The following ARHGEF26 variants were observed in gnomAD, a reference collection of about 807,000 sequenced individuals.
ARHGEF26 encodes the protein Rho guanine nucleotide exchange factor 26.
In ARHGEF26, 59 loss-of-function variants were observed where a neutral mutation model predicts 89.4. The observed-to-expected ratio is 0.66, with a 90% CI of 0.54 to 0.82. ARHGEF26 has a LOEUF of 0.82. ARHGEF26 is among the 40% of genes least tolerant of loss of function. The pLI, the probability that ARHGEF26 is intolerant of heterozygous loss-of-function variation, is 0.00. For missense variants in ARHGEF26, 1,234 were observed against 1,085.6 expected, an observed-to-expected ratio of 1.14 and a Z score of -1.92; for synonymous variants, 500 against 428.4, an observed-to-expected ratio of 1.17 and a Z score of -2.06.
chr3:154,147,635 G>T (rs928765247), intron 4 of ARHGEF26, among the ~76,000 whole-genome samples: 10 of 152,136 alleles, frequency 6.6e-5, no homozygotes, highest in Non-Finnish European at 1.2e-4. Context: ...AAGACTATAG[G>T]TATAAACATA....
intron 2 of ARHGEF26, 38 bp from the exon 3 acceptor site, chr3:154,124,372 C>CT (rs10688646): frequency 0.03 from 30,480 of 1,007,106 alleles, 25 homozygotes; most frequent in Non-Finnish European, 0.033. Flanking sequence ...TTTGCTTTTC[C>CT]TTTTTTTTTT....
chr3:154,165,602 C>G (rs1250835540), intron 6 of ARHGEF26, among the ~76,000 whole-genome samples: 1 of 152,156 alleles, frequency 6.6e-6, no homozygotes, highest in Non-Finnish European at 1.5e-5. Context: ...GAACTAATTA[C>G]CAACTTTGAA....
chr3:154,210,870 G>A (rs758497122), intron 9 of ARHGEF26, among the ~76,000 whole-genome samples: 15 of 151,566 alleles, frequency 9.9e-5, no homozygotes, highest in Non-Finnish European at 5.9e-5. Flanking sequence ...TTGAACCCGG[G>A]AGGTGGAGGT....
intron 3 of ARHGEF26, among the ~76,000 whole-genome samples, chr3:154,126,886 GATGGTATAGCCTAGGATAT>G (rs1464699366): frequency 6.6e-6 from 1 of 152,192 alleles, no homozygotes; most frequent in Non-Finnish European, 1.5e-5. Context: ...AAACAAACCA[GATGGTATAGCCTAGGATAT>G]ATGGTAGAGC....
At chr3:154,144,014 G>T (rs1719544409) in intron 4 of ARHGEF26, among the ~76,000 whole-genome samples, 1 of 152,194 alleles carries the variant, frequency 6.6e-6, no homozygotes. Flanking sequence ...AATTTGTTTG[G>T]TGGTAGAAAT....
At position 154,122,233 on chromosome 3, in the gene ARHGEF26, C is replaced by T. The variant is rs745861002; in HGVS notation, c.241C>T (p.Pro81Ser). The change falls in exon 2 of 15, where the codon CCC becomes TCC. Residue 81 changes from proline to serine, a missense_variant. Transcript: ENST00000465093. ...ASDSRTVHRS[P>S]LLLGAQRRAV... ...GGACAGCAGGACGGTACATAGGAGCCCCCTGCTTCTGGGCGCCCAGCGGAG... is the reference window on the plus strand; with the variant it reads ...GGACAGCAGGACGGTACATAGGAGCTCCCTGCTTCTGGGCGCCCAGCGGAG... 30 of 1,610,260 alleles carry T rather than the reference C, an allele frequency of 1.9e-5. No individual in the cohort carries two copies. The highest frequency in any genetic ancestry group is 2.2e-5 in the South Asian group (2 of 90,546).
At chr3:154,154,487 G>A (rs1720209406) in intron 6 of ARHGEF26, among the ~76,000 whole-genome samples, 1 of 151,904 alleles carries the variant, frequency 6.6e-6, no homozygotes, top group South Asian at 2.1e-4. Flanking sequence ...ACTTTTTTAT[G>A]TATCAATTAT....
intron 8 of ARHGEF26, among the ~76,000 whole-genome samples, 161 bp downstream of exon 8, chr3:154,191,579 A>G (rs994023724): frequency 5.9e-5 from 9 of 152,212 alleles, no homozygotes; most frequent in South Asian, 2.1e-4. Context: ...TCTCACCTGT[A>G]TCTGATATCT....
chr3:154,193,669 A>G (rs2108192066), intron 8 of ARHGEF26, among the ~76,000 whole-genome samples: 1 of 152,274 alleles, frequency 6.6e-6, no homozygotes, highest in Non-Finnish European at 1.5e-5. Flanking sequence ...TCAGTAATTA[A>G]AGTGGTTCCC....
At chr3:154,135,323 G>A (rs768250283) in intron 4 of ARHGEF26, among the ~76,000 whole-genome samples, 11 of 152,096 alleles carry the variant, frequency 7.2e-5, no homozygotes, top group Non-Finnish European at 1.3e-4. Context: ...ATGTGTTCAC[G>A]AATTTATCCA....
At chr3:154,130,375 T>C (rs1370733931) in intron 4 of ARHGEF26, among the ~76,000 whole-genome samples, 1 of 151,990 alleles carries the variant, frequency 6.6e-6, no homozygotes. Flanking sequence ...TCCTGCCCTC[T>C]AGTGATCCGC....
At chr3:154,171,575 T>C (rs1222299128) in intron 6 of ARHGEF26, among the ~76,000 whole-genome samples, 7 of 152,200 alleles carry the variant, frequency 4.6e-5, no homozygotes, top group Non-Finnish European at 1.0e-4. Context: ...TTATTATTTC[T>C]ATAGTTTTGC....
At chr3:154,236,456 T>A (rs962401065) in intron 11 of ARHGEF26, among the ~76,000 whole-genome samples, 6 of 152,256 alleles carry the variant, frequency 3.9e-5, no homozygotes, top group African/African-American at 1.4e-4. Flanking sequence ...TATAAACTTC[T>A]CCATGCAAGG....
intron 6 of ARHGEF26, among the ~76,000 whole-genome samples, chr3:154,160,168 A>C (rs1711570486): frequency 6.6e-6 from 1 of 152,190 alleles, no homozygotes; most frequent in South Asian, 2.1e-4. Context: ...AATGACAAAG[A>C]AGTTTATTTG....
intron 4 of ARHGEF26, among the ~76,000 whole-genome samples, chr3:154,137,233 C>G (rs79906511): frequency 6.6e-6 from 1 of 152,124 alleles, no homozygotes; most frequent in Non-Finnish European, 1.5e-5. Context: ...AATGAATTAT[C>G]ATGGGAGGGG....
chr3:154,217,055 T>G (rs1384443121), intron 9 of ARHGEF26, among the ~76,000 whole-genome samples: 4 of 150,936 alleles, frequency 2.7e-5, no homozygotes, highest in Non-Finnish European at 4.4e-5. Context: ...TACCCAGTAA[T>G]GGGATGGCTG....
In ARHGEF26 at chr3:154,123,574, T is replaced by C. The variant is rs191697878; in HGVS notation, c.1083+499T>C. 3.3e-5 allele frequency among the ~76,000 whole-genome samples: 5 copies of C among 152,346 alleles called. No individual in the cohort carries two copies. The South Asian group carries it at 6.2e-4, about 19-fold the overall frequency. ...GAATTTTGAGTGGTTACTACGCACTTGATGTCATTCAGGTAGAATGTGAAT... is the reference window on the plus strand; with the variant it reads ...GAATTTTGAGTGGTTACTACGCACTCGATGTCATTCAGGTAGAATGTGAAT... On this transcript the variant is annotated intron_variant, in intron 2 of 14. Transcript: ENST00000465093.
chr3:154,183,995 C>G (rs1261828045), intron 6 of ARHGEF26, among the ~76,000 whole-genome samples: 1 of 98,968 alleles, frequency 1.0e-5, no homozygotes, highest in African/African-American at 3.4e-5. Flanking sequence ...TTTTTTGAGA[C>G]GGAGTCTCGC....
At chr3:154,198,422 G>A (rs892661367) in intron 9 of ARHGEF26, among the ~76,000 whole-genome samples, 2 of 152,100 alleles carry the variant, frequency 1.3e-5, no homozygotes, top group Non-Finnish European at 2.9e-5. Flanking sequence ...AAAGACACTT[G>A]CACACTCATG....
Sources: allele counts gnomAD v4.1 joint callset (sites outside exome capture counted in the v4.1 genomes callset), GRCh38; gene constraint gnomAD v4.1.1; transcripts MANE v1.5; gene names NCBI Gene and HGNC (gene_info 2026-07-23, HGNC 2026-07-21).